KMT2A: variants seen among roughly 807,000 people sequenced by gnomAD.
The protein encoded by KMT2A is lysine methyltransferase 2A, also known as histone-lysine N-methyltransferase 2A.
KMT2A carries 16 observed loss-of-function variants against 345.3 expected under a neutral mutation model. That is an observed-to-expected ratio of 0.05 (90% CI 0.03 to 0.07). The LOEUF is 0.07. Among genes scored for constraint, KMT2A ranks in the 10% least tolerant of loss-of-function variants. The pLI is 1.00. For synonymous variants in KMT2A, 1,599 were observed against 1,778.6 expected, an observed-to-expected ratio of 0.90 and a Z score of 2.54; for missense variants, 3,272 against 4,841.6, an observed-to-expected ratio of 0.68 and a Z score of 9.62.
chr11:118,508,872 G>A (rs1950635251), intron 28 of KMT2A, among the ~76,000 whole-genome samples: 1 of 152,102 alleles, frequency 6.6e-6, no homozygotes, highest in South Asian at 2.1e-4. Context: ...CTGAGTATGA[G>A]AAGAATTTCA....
intron 10 of KMT2A, among the ~76,000 whole-genome samples, chr11:118,486,974 C>T (rs1381100608): frequency 1.3e-5 from 2 of 152,188 alleles, no homozygotes; most frequent in Non-Finnish European, 2.9e-5. Flanking sequence ...CACAAACTAG[C>T]TAAGAAAGTC....
intron 1 of KMT2A, among the ~76,000 whole-genome samples, chr11:118,459,193 C>T (rs1949701318): frequency 6.6e-6 from 1 of 152,144 alleles, no homozygotes; most frequent in South Asian, 2.1e-4. Flanking sequence ...CATCAGCCAC[C>T]CAAGAAGCTG....
rs1270995256 is a variant in KMT2A, at chr11:118,494,765, C to G, written c.5361C>G (p.Ser1787Arg). The G allele has an allele frequency of 6.2e-7, 1 of 1,611,794 alleles. No individual in the cohort carries two copies. Among genetic ancestry groups the G allele is most frequent in the African/African-American group, 1.3e-5 (1 of 74,878 alleles). ...TTTGGGAGCCAAATAAAGTATCAAG[C>G]AAGTAAGTGAATTTAGCATAACTTT... ...SRFWEPNKVS[S>R]NSGMLPNAVL... is the part of the protein sequence containing the mutation. Residue 1787 changes from serine to arginine, a missense_variant and splice_region_variant, in exon 18 of 36, where the codon AGC (serine) becomes AGG (arginine). Transcript: ENST00000534358. The surrounding 1 kb of genome is among the most constrained non-coding windows in gnomAD (Gnocchi z 5.8).
Position 118,472,925 on chromosome 11 carries a change from C to T in KMT2A, c.1766C>T (p.Thr589Ile). Residue 589 changes from threonine to isoleucine, a missense_variant, in exon 3 of 36, where the codon ACA (threonine) becomes ATA (isoleucine). Physicochemically the swap from Thr to Ile is moderately conservative, Grantham distance 89 (BLOSUM62 -1). Transcript: ENST00000534358. ...CACACACCTTGGCTTATGCCTCCAACAATCCCCTTAGCATCACCATTTTTG... is the reference window on the plus strand; with the variant it reads ...CACACACCTTGGCTTATGCCTCCAATAATCCCCTTAGCATCACCATTTTTG... ...SDHTPWLMPPTIPLASPFLPA... is the reference protein window; with the variant it reads ...SDHTPWLMPPIIPLASPFLPA... The T allele has an allele frequency of 6.2e-7, 1 of 1,614,138 alleles. No homozygotes were observed. Among genetic ancestry groups the T allele is most frequent in the Non-Finnish European group, 8.5e-7 (1 of 1,180,030 alleles).
chr11:118,456,793 T>C (rs782136104), intron 1 of KMT2A, among the ~76,000 whole-genome samples: 1 of 152,204 alleles, frequency 6.6e-6, no homozygotes, highest in East Asian at 1.9e-4. Flanking sequence ...TTCAGATCAT[T>C]ATACCCTTTA....
Position 118,495,658 on chromosome 11 carries a change from T to C in KMT2A, c.5364-42T>C, listed in dbSNP as rs782204370. On this transcript the variant is annotated intron_variant, in intron 18 of 35. Coordinates refer to ENST00000534358, the MANE Select transcript of KMT2A (RefSeq NM_001197104.2). The surrounding 1 kb of genome is among the most constrained non-coding windows in gnomAD (Gnocchi z 4.1). ...TTATTTTATACAGTTCTAGGTATAC[T>C]GTAGGAGTTCAATAAATGCTTGTTG... 6 of 1,493,846 alleles carry C rather than the reference T, an allele frequency of 4.0e-6. No homozygotes were observed. Among genetic ancestry groups the C allele is most frequent in the Admixed American group, 1.8e-5 (1 of 54,756 alleles). The allele number at this position is 1,493,846 out of a possible 1,614,324, so 92.5% of individuals were successfully genotyped here. A position where few individuals can be genotyped will look rare whatever the true frequency, so the allele number is the denominator to read the frequency against.
rs1950321025 is a variant in KMT2A at position 118,491,299 on chromosome 11, G to A, written c.4800G>A (p.Glu1600=). 1.2e-6 allele frequency: 2 copies of A among 1,613,876 alleles called. No homozygotes were observed. The highest frequency in any genetic ancestry group is 4.5e-5 in the East Asian group (2 of 44,876). ...KCDRWVHSKC[E]NLSGTEDEMY... Reference sequence around the variant, plus strand: ...ATCGCTGGGTCCATTCCAAATGTGAGAATCTTTCAGGTACAGAAGGTTGGA... The same window carrying A: ...ATCGCTGGGTCCATTCCAAATGTGAAAATCTTTCAGGTACAGAAGGTTGGA... The change falls in exon 14 of 36, where the codon GAG becomes GAA. Residue 1600 remains glutamate, a synonymous_variant. Transcript: ENST00000534358. The surrounding 1 kb of genome is among the most constrained non-coding windows in gnomAD (Gnocchi z 4.2).
Position 118,436,827 on chromosome 11 carries a change from G to T in KMT2A, c.315G>T (p.Leu105=). ...SSSSASSGPA[L]LRVGPGFDAA... is the part of the protein sequence containing the mutation. ...CCTCAGCCTCTTCAGGGCCGGCCCT[G>T]CTCCGGGTGGGCCCGGGCTTCGACG... Residue 105 remains leucine, a synonymous_variant, in exon 1 of 36, where the codon CTG becomes CTT. Transcript: ENST00000534358. The surrounding 1 kb of genome is among the most constrained non-coding windows in gnomAD (Gnocchi z 6.9). 3 of 1,607,878 alleles carry T rather than the reference G, an allele frequency of 1.9e-6. No individual in the cohort carries two copies. The highest frequency in any genetic ancestry group is 2.5e-6 in the Non-Finnish European group (3 of 1,177,578).
rs1276397636 is a variant in KMT2A at position 118,504,134 on chromosome 11, G to A, written c.8242G>A (p.Gly2748Ser). Residue 2748 changes from glycine to serine, a missense_variant, in exon 27 of 36, where the codon GGT becomes AGT. Physicochemically the swap from Gly to Ser is moderately conservative, Grantham distance 56 (BLOSUM62 0). Around this residue, in one of 27 missense-constraint regions of KMT2A, gnomAD observed 100 missense variants for 101.3 expected, o/e 0.99. Coordinates refer to ENST00000534358, the MANE Select transcript of KMT2A (RefSeq NM_001197104.2). The surrounding 1 kb of genome is among the most constrained non-coding windows in gnomAD (Gnocchi z 6.4). ...RKSSQIPKRNGKENGTENLKI... is the reference protein window; with the variant it reads ...RKSSQIPKRNSKENGTENLKI... Reference sequence around the variant, plus strand: ...AAGCAGCCAGATTCCAAAAAGAAATGGTAAAGAAAATGGAACAGAGAACTT... The same window carrying A: ...AAGCAGCCAGATTCCAAAAAGAAATAGTAAAGAAAATGGAACAGAGAACTT... The A allele has an allele frequency of 2.5e-6, 4 of 1,613,984 alleles. No individual in the cohort carries two copies. The highest frequency in any genetic ancestry group is 3.4e-6 in the Non-Finnish European group (4 of 1,180,042).
rs143699272 is a variant in KMT2A at position 118,455,224 on chromosome 11, T to C, written c.433-13551T>C. ...CTTTTATTTATTTGTTATATGTTTA[T>C]TTTCTGTCTCTCCATTAGATTGTAG... On this transcript the variant is annotated intron_variant, in intron 1 of 35. Transcript: ENST00000534358. Among the ~76,000 whole-genome samples, 880 of 152,258 alleles carry C rather than the reference T, an allele frequency of 5.8e-3. 9 individuals carry two copies. The highest frequency in any genetic ancestry group is 0.019 in the African/African-American group (801 of 41,546).
rs1591290898 is a variant in KMT2A at position 118,509,076 on chromosome 11, G to T, written c.10836-60G>T. 5 of 1,491,142 alleles carry T rather than the reference G, an allele frequency of 3.4e-6. No individual in the cohort carries two copies. In the East Asian group the frequency reaches 1.1e-4, roughly 34 times the overall value. 92.4% of individuals were successfully genotyped at this position (1,491,142 alleles called of 1,614,324 possible). A position where few individuals can be genotyped will look rare whatever the true frequency, so the allele number is the denominator to read the frequency against. On this transcript the variant is annotated intron_variant, in intron 28 of 35. Transcript: ENST00000534358. ...ACCACAGCTGTATAGAAAATTCTGG[G>T]TTTTTTCTTTGAATTGAAGAACTAG...
intron 1 of KMT2A, chr11:118,458,064 G>T (rs1421461946): frequency 1.1e-5 from 3 of 265,764 alleles, no homozygotes; most frequent in South Asian, 3.0e-5. Flanking sequence ...ATTTTTTTTT[G>T]AGATGCTTTC....
In KMT2A at chr11:118,472,861, C is replaced by T; in HGVS notation, c.1702C>T (p.Pro568Ser). ...GTCTCCACCTCCACCTCTGCTGACT[C>T]CACCGCCACCACTGCAGCCAGCCTC... is the stretch of plus-strand genomic sequence containing the variant. The part of the protein sequence containing the change: ...SSSPPPPLLT[P>S]PPPLQPASSI... Residue 568 changes from proline (P) to serine (S), a missense_variant, in exon 3 of 36, where the codon CCA becomes TCA. Around this residue, in one of 27 missense-constraint regions of KMT2A, gnomAD observed 180 missense variants for 190.7 expected, o/e 0.94. Transcript: ENST00000534358. 6.2e-7 allele frequency: 1 copy of T among 1,613,990 alleles called. No homozygotes were observed. The highest frequency in any genetic ancestry group is 8.5e-7 in the Non-Finnish European group (1 of 1,179,958).
chr11:118,476,830 C>T lies in KMT2A; in HGVS notation c.3182C>T (p.Thr1061Ile). ...GGTCAAGAAAGTGACTCATCAGAGA[C>T]CTCTGTGCGAGGACCCCGGATTAAA... ...AQGQESDSSE[T>I]SVRGPRIKHV... Residue 1061 changes from threonine to isoleucine, a missense_variant, in exon 4 of 36, where the codon ACC becomes ATC. Transcript: ENST00000534358. This position sits in a 1 kb window ranked among gnomAD's most constrained non-coding sequence, Gnocchi z 4.1. The T allele has an allele frequency of 6.2e-7, 1 of 1,612,538 alleles. No homozygotes were observed. Among genetic ancestry groups the T allele is most frequent in the Non-Finnish European group, 8.5e-7 (1 of 1,178,608 alleles).
chr11:118,518,607 C>T (rs1555052324), intron 31 of KMT2A, among the ~76,000 whole-genome samples: 2 of 151,734 alleles, frequency 1.3e-5, no homozygotes, highest in South Asian at 2.1e-4. Context: ...ATGGTGAAAC[C>T]TTGTCTCTAC....
intron 15 of KMT2A, 104 bp downstream of exon 15, chr11:118,492,032 T>C (rs1226646688): frequency 5.0e-6 from 4 of 792,608 alleles, no homozygotes; most frequent in South Asian, 3.7e-5. Context: ...TTTTAGTTAC[T>C]TGTTTTGGCT....
intron 1 of KMT2A, among the ~76,000 whole-genome samples, chr11:118,443,389 T>C (rs1432211176): frequency 2.0e-5 from 3 of 152,224 alleles, no homozygotes; most frequent in Admixed American, 2.0e-4. Flanking sequence ...CTGTTAAATA[T>C]TTCAATGAGT....
intron 31 of KMT2A, among the ~76,000 whole-genome samples, chr11:118,515,682 C>CTTT (rs11374365): frequency 0.055 from 5,354 of 97,188 alleles, 257 homozygotes; most frequent in Non-Finnish European, 0.061. Flanking sequence ...TTTTTCTGTC[C>CTTT]TTTTTTTTTT....
chr11:118,485,728 AAT>A (rs1950215873), intron 10 of KMT2A, among the ~76,000 whole-genome samples: 1 of 152,208 alleles, frequency 6.6e-6, no homozygotes, highest in Admixed American at 6.5e-5. Flanking sequence ...TATTGCTCAT[AAT>A]AATAAAAAAC....
Sources: allele counts gnomAD v4.1 joint callset (sites outside exome capture counted in the v4.1 genomes callset), GRCh38; gene constraint gnomAD v4.1.1; regional missense constraint gnomAD v4.1.1; non-coding constraint Gnocchi (gnomAD v3.1); transcripts MANE v1.5; gene names NCBI Gene and HGNC (gene_info 2026-07-23, HGNC 2026-07-21).